The following ANK1 variants were observed in gnomAD, a reference collection of about 807,000 sequenced individuals.
ANK1 encodes the protein ankyrin 1, also known as ankyrin-1.
Under a neutral mutation model 210.4 loss-of-function variants are expected in ANK1, and 51 were observed. That is an observed-to-expected ratio of 0.24 (90% CI 0.19 to 0.31). The LOEUF is 0.31. Ranked by LOEUF, ANK1 falls within the 10% of genes least tolerant of loss-of-function variation. The probability of loss-of-function intolerance (pLI) is 1.00; values close to 1 mark genes in which losing one functional copy is unlikely to be tolerated. For synonymous variants in ANK1, 967 were observed against 1,025.9 expected (o/e 0.94, Z 1.10); for missense variants, 2,051 against 2,504.4 (o/e 0.82, Z 3.86).
At chr8:41,803,002 A>AAAGAAAGAAAG (rs1850200258) in intron 1 of ANK1, among the ~76,000 whole-genome samples, 1 of 72,372 alleles carries the variant, frequency 1.4e-5, no homozygotes, top group Non-Finnish European at 2.7e-5. Context: ...AGAGAGAAAG[A>AAAGAAAGAAAG]AAGAAAGAAA....
chr8:41,779,832 G>A (rs898527792), intron 1 of ANK1, among the ~76,000 whole-genome samples: 2 of 152,188 alleles, frequency 1.3e-5, no homozygotes, highest in African/African-American at 2.4e-5. Context: ...CTCAGCAACC[G>A]GAGCCAAGTC....
intron 42 of ANK1, chr8:41,661,039 G>T: frequency 7.4e-6 from 2 of 271,842 alleles, no homozygotes; most frequent in Non-Finnish European, 1.4e-5. Flanking sequence ...TTTCTTTCTG[G>T]CTTTTTTTTT....
At chr8:41,663,114 C>CTCTCTCTGTG (rs1554517870) in intron 40 of ANK1, among the ~76,000 whole-genome samples, 31 of 145,232 alleles carry the variant, frequency 2.1e-4, no homozygotes, top group Admixed American at 1.3e-3. Context: ...CTCTCTCTCT[C>CTCTCTCTGTG]TGTGTGTGTG....
intron 1 of ANK1, among the ~76,000 whole-genome samples, chr8:41,763,516 C>T (rs1452472456): frequency 6.6e-6 from 1 of 152,146 alleles, no homozygotes; most frequent in Non-Finnish European, 1.5e-5. Context: ...TCCAGGGGTA[C>T]CCCACTGAAG....
chr8:41,777,497 C>T (rs143554389), intron 1 of ANK1, among the ~76,000 whole-genome samples: 7,022 of 152,216 alleles, frequency 0.046, 184 homozygotes, highest in Middle Eastern at 0.068. Context: ...ATCACTGGAA[C>T]CCAGGAGGCA....
intron 1 of ANK1, among the ~76,000 whole-genome samples, chr8:41,776,198 G>C (rs1843997936): frequency 6.6e-6 from 1 of 152,180 alleles, no homozygotes; most frequent in South Asian, 2.1e-4. Context: ...TCTCCAGTAA[G>C]AGTTGCTCAG....
chr8:41,664,095 A>G (rs1254007765), intron 39 of ANK1: 3 of 471,628 alleles, frequency 6.4e-6, no homozygotes, highest in Admixed American at 4.7e-5. Context: ...AGCACTTTGC[A>G]GTATAGAAAA....
chr8:41,862,239 C>T (rs1166325630), intron 1 of ANK1, among the ~76,000 whole-genome samples: 1 of 152,172 alleles, frequency 6.6e-6, no homozygotes, highest in Non-Finnish European at 1.5e-5. Flanking sequence ...GCATTGCTAG[C>T]TGGGAGGCTG....
intron 1 of ANK1, among the ~76,000 whole-genome samples, chr8:41,823,247 G>T (rs1387284734): frequency 6.6e-6 from 1 of 152,162 alleles, no homozygotes; most frequent in African/African-American, 2.4e-5. Flanking sequence ...AAACACTCTA[G>T]GGGGAGAGAA....
intron 1 of ANK1, among the ~76,000 whole-genome samples, chr8:41,838,449 T>G (rs1808200347): frequency 6.6e-6 from 1 of 152,190 alleles, no homozygotes; most frequent in African/African-American, 2.4e-5. Flanking sequence ...ACTGCTGTAT[T>G]ATGTTTTAAA....
intron 1 of ANK1, among the ~76,000 whole-genome samples, chr8:41,888,601 T>C (rs1818862589): frequency 6.6e-6 from 1 of 152,240 alleles, no homozygotes; most frequent in Non-Finnish European, 1.5e-5. Flanking sequence ...CAGACAATCA[T>C]GGCAGCAATG....
At chr8:41,767,259 G>A (rs982554291) in intron 1 of ANK1, among the ~76,000 whole-genome samples, 3 of 151,944 alleles carry the variant, frequency 2.0e-5, no homozygotes, top group Non-Finnish European at 4.4e-5. Flanking sequence ...CCGCAGGACG[G>A]ACGCAGAGCC....
chr8:41,795,663 A>T (rs1848609266), intron 1 of ANK1, among the ~76,000 whole-genome samples: 1 of 152,146 alleles, frequency 6.6e-6, no homozygotes, highest in Non-Finnish European at 1.5e-5. Context: ...AGAAAGACAA[A>T]TACTGAATGT....
intron 37 of ANK1, among the ~76,000 whole-genome samples, chr8:41,682,656 G>A (rs1268709253): frequency 6.6e-6 from 1 of 152,226 alleles, no homozygotes; most frequent in Non-Finnish European, 1.5e-5. Context: ...AAGGCCTGGT[G>A]GGAGCTAGGG....
chr8:41,661,278 G>T, intron 42 of ANK1, 152 bp downstream of exon 42: 1 of 1,195,250 alleles, frequency 8.4e-7, no homozygotes, highest in Non-Finnish European at 1.2e-6. Flanking sequence ...TGTTAGCAGG[G>T]TTGGGAAGTG....
intron 1 of ANK1, among the ~76,000 whole-genome samples, chr8:41,859,722 A>G (rs925552993): frequency 1.3e-5 from 2 of 152,244 alleles, no homozygotes; most frequent in Admixed American, 1.3e-4. Context: ...TTCCTCGGCT[A>G]TGTTGCCAGG....
chr8:41,659,908 C>G (rs969753616), intron 42 of ANK1, among the ~76,000 whole-genome samples: 12 of 152,256 alleles, frequency 7.9e-5, no homozygotes, highest in Middle Eastern at 3.4e-3. Context: ...TTCCCCCTAG[C>G]CTGGCTTTCG....
At chr8:41,826,353 A>T (rs1256732392) in intron 1 of ANK1, among the ~76,000 whole-genome samples, 3 of 152,070 alleles carry the variant, frequency 2.0e-5, no homozygotes, top group Non-Finnish European at 4.4e-5. Context: ...TGCCACCTTG[A>T]TGTAACCTCA....
intron 1 of ANK1, among the ~76,000 whole-genome samples, chr8:41,891,584 G>A (rs536221711): frequency 9.8e-5 from 15 of 152,354 alleles, no homozygotes; most frequent in African/African-American, 3.6e-4. Flanking sequence ...TGCTCTCCTG[G>A]TCTAGCCTAT....
Sources: gnomAD v4.1 joint callset for allele counts (sites outside exome capture counted in the v4.1 genomes callset) on GRCh38, gnomAD v4.1.1 for gene constraint, MANE v1.5 for transcripts, NCBI Gene and HGNC (gene_info 2026-07-23, HGNC 2026-07-21) for gene names.